LRP1B: variants seen among roughly 807,000 people sequenced by gnomAD.
LRP1B encodes low-density lipoprotein receptor-related protein 1B.
LRP1B carries 217 observed loss-of-function variants against 556.6 expected under a neutral mutation model. That is an observed-to-expected ratio of 0.39 (90% CI 0.35 to 0.44). The LOEUF (loss-of-function observed/expected upper bound fraction) is 0.44, where lower values mean the gene tolerates loss of function less well. Among genes scored for constraint, LRP1B ranks in the 20% least tolerant of loss-of-function variants. The pLI is 1.00. For missense variants in LRP1B, 5,053 were observed against 5,620.8 expected (o/e 0.90, Z 3.23); for synonymous variants, 2,047 against 1,865.8 (o/e 1.10, Z -2.50).
At chr2:141,922,587 T>C (rs1052691599) in intron 1 of LRP1B, among the ~76,000 whole-genome samples, 1 of 152,214 alleles carries the variant, frequency 6.6e-6, no homozygotes, top group African/African-American at 2.4e-5. Context: ...AGGCACTGGA[T>C]GCTTACACAT....
chr2:140,889,645 T>C (rs576517535), intron 23 of LRP1B, among the ~76,000 whole-genome samples: 1 of 152,172 alleles, frequency 6.6e-6, no homozygotes, highest in South Asian at 2.1e-4. Context: ...CACAAAGCCT[T>C]ATGAGGTGGG....
intron 23 of LRP1B, among the ~76,000 whole-genome samples, chr2:140,890,088 C>A (rs1693753463): frequency 1.3e-5 from 1 of 78,492 alleles, no homozygotes; most frequent in Admixed American, 1.8e-4. Context: ...ATCTCAAAAT[C>A]ATATTTATTA....
At chr2:141,357,735 G>A (rs1484273459) in intron 3 of LRP1B, among the ~76,000 whole-genome samples, 1 of 152,078 alleles carries the variant, frequency 6.6e-6, no homozygotes, top group Non-Finnish European at 1.5e-5. Flanking sequence ...GTAAATTAAT[G>A]GGGATTTATG....
intron 7 of LRP1B, among the ~76,000 whole-genome samples, chr2:141,129,917 A>G (rs887997345): frequency 6.7e-6 from 1 of 150,348 alleles, no homozygotes; most frequent in African/African-American, 2.4e-5. Context: ...GAGAAATTTT[A>G]TAAACAGTTT....
intron 2 of LRP1B, among the ~76,000 whole-genome samples, chr2:141,530,937 C>A (rs1684851076): frequency 6.7e-6 from 1 of 149,424 alleles, no homozygotes; most frequent in African/African-American, 2.4e-5. Context: ...TAGTACCTTA[C>A]AGGTATCAAG....
intron 41 of LRP1B, among the ~76,000 whole-genome samples, chr2:140,604,057 A>T (rs972632444): frequency 6.6e-6 from 1 of 152,090 alleles, no homozygotes; most frequent in Admixed American, 6.6e-5. Flanking sequence ...GAAGGCAATT[A>T]TGTAGTTTGA....
chr2:140,682,618 G>A (rs1441287786), intron 41 of LRP1B, among the ~76,000 whole-genome samples: 2 of 151,880 alleles, frequency 1.3e-5, no homozygotes, highest in Non-Finnish European at 2.9e-5. Flanking sequence ...AATAAGGTTA[G>A]GTGCAAATCA....
At chr2:141,682,345 C>CAA (rs200535104) in intron 2 of LRP1B, among the ~76,000 whole-genome samples, 97 of 132,914 alleles carry the variant, frequency 7.3e-4, no homozygotes, top group Middle Eastern at 3.9e-3. Context: ...AAGTAGATGG[C>CAA]AAAAAAAAAA....
intron 41 of LRP1B, among the ~76,000 whole-genome samples, chr2:140,659,808 G>C (rs540562951): frequency 6.6e-6 from 1 of 151,962 alleles, no homozygotes; most frequent in Non-Finnish European, 1.5e-5. Flanking sequence ...TTAGGGTTAC[G>C]AGACTAGTGA....
intron 67 of LRP1B, among the ~76,000 whole-genome samples, chr2:140,379,085 G>T (rs542033756): frequency 6.6e-6 from 1 of 152,160 alleles, no homozygotes; most frequent in African/African-American, 2.4e-5. Flanking sequence ...CAATATGACT[G>T]CTGGATATCA....
At chr2:140,850,485 TTAAGG>T (rs2105118855) in intron 28 of LRP1B, among the ~76,000 whole-genome samples, 156 bp from the exon 29 acceptor site, 1 of 152,312 alleles carries the variant, frequency 6.6e-6, no homozygotes, top group South Asian at 2.1e-4. Context: ...CTATTTTAAA[TTAAGG>T]TATTTAATAG....
chr2:140,843,251 A>G (rs1692177253), intron 29 of LRP1B, among the ~76,000 whole-genome samples: 2 of 152,150 alleles, frequency 1.3e-5, no homozygotes, highest in South Asian at 4.1e-4. Context: ...AGCTATAAAT[A>G]TCTATCTAGT....
intron 3 of LRP1B, among the ~76,000 whole-genome samples, chr2:141,408,141 A>AT (rs35914905): frequency 0.18 from 22,411 of 123,782 alleles, 2,747 homozygotes; most frequent in East Asian, 0.41. Context: ...ATTTGGTTCA[A>AT]TTTTTTTTTT....
At chr2:141,731,279 G>A (rs901008444) in intron 2 of LRP1B, among the ~76,000 whole-genome samples, 1 of 152,026 alleles carries the variant, frequency 6.6e-6, no homozygotes, top group African/African-American at 2.4e-5. Context: ...CACAGTGTCT[G>A]GGCCTGCTTG....
intron 3 of LRP1B, among the ~76,000 whole-genome samples, chr2:141,447,404 CCTACTT>C (rs1681236733): frequency 6.6e-6 from 1 of 151,932 alleles, no homozygotes; most frequent in Non-Finnish European, 1.5e-5. Flanking sequence ...CCTTCTGAAG[CCTACTT>C]CTGTCAATTT....
chr2:141,554,829 C>G (rs140498244), intron 2 of LRP1B, among the ~76,000 whole-genome samples: 1 of 152,072 alleles, frequency 6.6e-6, no homozygotes, highest in Non-Finnish European at 1.5e-5. Context: ...ACCTGCAGCA[C>G]CTGCATCACT....
intron 2 of LRP1B, among the ~76,000 whole-genome samples, chr2:141,544,394 C>CTTCT (rs1685471514): frequency 8.8e-6 from 1 of 112,996 alleles, no homozygotes; most frequent in African/African-American, 3.0e-5. Context: ...CCTCCTCCTC[C>CTTCT]TCCTCCTCCT....
chr2:140,430,151 C>G (rs1316172621), intron 66 of LRP1B, among the ~76,000 whole-genome samples: 1 of 152,162 alleles, frequency 6.6e-6, no homozygotes, highest in Admixed American at 6.5e-5. Flanking sequence ...CTAATTGCCT[C>G]TCACCAGCAA....
intron 2 of LRP1B, among the ~76,000 whole-genome samples, chr2:141,608,012 G>A (rs1209006786): frequency 2.6e-5 from 4 of 152,066 alleles, no homozygotes; most frequent in Admixed American, 2.0e-4. Flanking sequence ...ATCACCTGAG[G>A]TAGGGAGTTT....
Sources: allele counts gnomAD v4.1 joint callset (sites outside exome capture counted in the v4.1 genomes callset), GRCh38; gene constraint gnomAD v4.1.1; transcripts MANE v1.5; gene names NCBI Gene and HGNC (gene_info 2026-07-23, HGNC 2026-07-21).